PSMA3: variants seen among roughly 807,000 people sequenced by gnomAD.
PSMA3 encodes proteasome subunit alpha type-3.
PSMA3 carries 8 observed loss-of-function variants against 40.0 expected under a neutral mutation model. The observed-to-expected ratio is 0.20, with a 90% CI of 0.12 to 0.36. The LOEUF (loss-of-function observed/expected upper bound fraction) is 0.36. PSMA3 is among the 10% of genes least tolerant of loss of function. The pLI, the probability that PSMA3 is intolerant of heterozygous loss-of-function variation, is 1.00. For synonymous variants in PSMA3, 110 were observed against 100.0 expected (o/e 1.10, Z -0.59); for missense variants, 219 against 310.6 (o/e 0.70, Z 2.22).
chr14:58,251,186 C>T (rs199928335), intron 2 of PSMA3, among the ~76,000 whole-genome samples: 12 of 152,118 alleles, frequency 7.9e-5, no homozygotes, highest in East Asian at 5.8e-4. Context: ...CTATTGTTTC[C>T]GATCAGAACT....
intron 6 of PSMA3, among the ~76,000 whole-genome samples, chr14:58,262,149 C>T (rs1015151381): frequency 6.6e-6 from 1 of 151,952 alleles, no homozygotes; most frequent in Non-Finnish European, 1.5e-5. Context: ...AGCTGGTCTC[C>T]AACTCCTGAC....
chr14:58,247,978 T>A (rs1172491661), intron 2 of PSMA3, 146 bp downstream of exon 2: 1 of 578,970 alleles, frequency 1.7e-6, no homozygotes, highest in Non-Finnish European at 3.0e-6. Context: ...CTAGGCCAGA[T>A]GCTTTCCATG....
At chr14:58,254,627 T>A (rs949687235) in intron 3 of PSMA3, among the ~76,000 whole-genome samples, 8 of 151,920 alleles carry the variant, frequency 5.3e-5, no homozygotes, top group African/African-American at 1.9e-4. Context: ...TGAGCCAATG[T>A]GCCCTGTCAA....
At chr14:58,255,323 G>A (rs142024691) in intron 3 of PSMA3, among the ~76,000 whole-genome samples, 142 of 152,108 alleles carry the variant, frequency 9.3e-4, no homozygotes, top group African/African-American at 3.4e-3. Flanking sequence ...GTCATTTCCT[G>A]TTCCACACTG....
At chr14:58,262,363 A>C (rs1230298644) in intron 6 of PSMA3, among the ~76,000 whole-genome samples, 2 of 151,404 alleles carry the variant, frequency 1.3e-5, no homozygotes, top group African/African-American at 2.4e-5. Flanking sequence ...GCATCACCAC[A>C]CCCGGCTAAT....
chr14:58,256,707 C>T lies in PSMA3; in HGVS notation c.229-1038C>T, dbSNP rs1221461222. ...GATTACAGGTGTGAGCCACCAGGTC[C>T]GGCCTGAGCATTTCCTTTGAGTGTC... On this transcript the variant is annotated intron_variant, in intron 3 of 10. Transcript: ENST00000216455. Among the ~76,000 whole-genome samples the T allele has an allele frequency of 4.0e-5, 6 of 151,832 alleles. No individual in the cohort carries two copies. In the East Asian group the frequency reaches 7.8e-4, roughly 20 times the overall value.
At chr14:58,262,814 C>T (rs1360715610) in intron 6 of PSMA3, among the ~76,000 whole-genome samples, 1 of 151,830 alleles carries the variant, frequency 6.6e-6, no homozygotes, top group Non-Finnish European at 1.5e-5. Context: ...CCACGTGCCT[C>T]AGATTCCCAA....
chr14:58,263,922 A>C, intron 7 of PSMA3, 152 bp downstream of exon 7: 2 of 652,646 alleles, frequency 3.1e-6, no homozygotes. Flanking sequence ...ATAGCTGATG[A>C]GCTTAAAAAA....
chr14:58,260,891 TCA>T, intron 5 of PSMA3, 55 bp from the exon 6 acceptor site: 1 of 1,259,774 alleles, frequency 7.9e-7, no homozygotes, highest in East Asian at 2.4e-5. Context: ...AATAATTTTT[TCA>T]CAAATACTTT....
At chr14:58,245,556 C>T (rs1443853910) in intron 1 of PSMA3, 5 of 152,440 alleles carry the variant, frequency 3.3e-5, no homozygotes, top group African/African-American at 1.2e-4. Flanking sequence ...GCATTTATTC[C>T]GTAAACGTTT....
chr14:58,260,896 A>C (rs1890262982), intron 5 of PSMA3, 52 bp from the exon 6 acceptor site: 1 of 1,306,914 alleles, frequency 7.7e-7, no homozygotes, highest in African/African-American at 1.5e-5. Flanking sequence ...TTTTTTCACA[A>C]ATACTTTTAT....
At chr14:58,250,304 T>C (rs1184643970) in intron 2 of PSMA3, among the ~76,000 whole-genome samples, 1 of 151,936 alleles carries the variant, frequency 6.6e-6, no homozygotes, top group Non-Finnish European at 1.5e-5. Flanking sequence ...AGCCTTTCAC[T>C]TGGGCCTTCC....
At chr14:58,261,114 AAAAC>A in intron 6 of PSMA3, 94 bp downstream of exon 6, 1 of 880,538 alleles carries the variant, frequency 1.1e-6, no homozygotes, top group South Asian at 1.7e-5. Context: ...AAATTAAAAA[AAAAC>A]TCATTCAAGG....
intron 6 of PSMA3, chr14:58,263,472 T>C: frequency 2.7e-6 from 1 of 370,160 alleles, no homozygotes; most frequent in Non-Finnish European, 4.9e-6. Context: ...TTACATAATT[T>C]ACATATTTTT....
At position 58,260,969 on chromosome 14, in the gene PSMA3, T is replaced by G; in HGVS notation, c.426T>G (p.Ser142Arg). The change falls in exon 6 of 11, where the codon AGT (serine) becomes AGG (arginine). Residue 142 changes from serine to arginine, a missense_variant. Ser to Arg is a moderately radical substitution (Grantham distance 110). Coordinates refer to ENST00000216455, the MANE Select transcript of PSMA3 (RefSeq NM_002788.4). ...GCAGTTTCATGTTAGGGTCTTACAG[T>G]GTGAATGACGGTGCGCAACTCTACA... ...FGCSFMLGSY[S>R]VNDGAQLYMI... 1.2e-6 allele frequency: 2 copies of G among 1,612,680 alleles called. No homozygotes were observed. Among genetic ancestry groups the G allele is most frequent in the Non-Finnish European group, 1.7e-6 (2 of 1,178,954 alleles).
At chr14:58,264,011 A>G (rs1890360862) in intron 7 of PSMA3, among the ~76,000 whole-genome samples, 1 of 152,204 alleles carries the variant, frequency 6.6e-6, no homozygotes, top group Non-Finnish European at 1.5e-5. Flanking sequence ...GCTCGGTGTA[A>G]GGATATAGTG....
chr14:58,263,677 G>A (rs1324204380), intron 6 of PSMA3, 28 bp from the exon 7 acceptor site: 1 of 1,565,232 alleles, frequency 6.4e-7, no homozygotes, highest in South Asian at 1.1e-5. Context: ...TACTAATTCA[G>A]TGATTATATA....
At chr14:58,263,857 G>A in intron 7 of PSMA3, 87 bp downstream of exon 7, 4 of 1,236,066 alleles carry the variant, frequency 3.2e-6, no homozygotes, top group Non-Finnish European at 4.7e-6. Context: ...CTAAGGCAGG[G>A]ATGTCCAATC....
At chr14:58,253,066 C>G (rs28468382) in intron 3 of PSMA3, among the ~76,000 whole-genome samples, 10,897 of 151,152 alleles carry the variant, frequency 0.072, 700 homozygotes, top group African/African-American at 0.17. Context: ...CTTATTGCAG[C>G]CTCTGCCTCC....
Sources: allele counts gnomAD v4.1 joint callset (sites outside exome capture counted in the v4.1 genomes callset), GRCh38; gene constraint gnomAD v4.1.1; transcripts MANE v1.5; gene names NCBI Gene and HGNC (gene_info 2026-07-23, HGNC 2026-07-21).